Variants in IFT80 observed in about 807,000 individuals in gnomAD.
IFT80 encodes the protein intraflagellar transport protein 80 homolog.
In IFT80, 79 loss-of-function variants were observed where a neutral mutation model predicts 107.9. The ratio of observed to expected loss-of-function variants is 0.73; its 90% CI spans 0.61 to 0.88. IFT80 has a LOEUF of 0.88. Ranked by LOEUF, IFT80 falls within the 40% of genes least tolerant of loss-of-function variation. The probability of loss-of-function intolerance (pLI) is 0.00; values close to 1 mark genes in which losing one functional copy is unlikely to be tolerated. For synonymous variants in IFT80, 299 were observed against 300.9 expected (o/e 0.99, Z 0.07); for missense variants, 797 against 914.2 (o/e 0.87, Z 1.65).
intron 19 of IFT80, among the ~76,000 whole-genome samples, chr3:160,267,944 G>A (rs1237581634): frequency 6.6e-6 from 1 of 152,116 alleles, no homozygotes; most frequent in East Asian, 1.9e-4. Context: ...GTCTTCTTTG[G>A]TTCTAGGTAG....
chr3:160,364,991 T>C (rs1212158593), intron 6 of IFT80, among the ~76,000 whole-genome samples: 1 of 143,674 alleles, frequency 7.0e-6, no homozygotes, highest in African/African-American at 2.6e-5. Context: ...CCCTAGAACT[T>C]AAAGTATAAT....
At position 160,347,671 on chromosome 3, in the gene IFT80, T is replaced by C. The variant is rs562805406; in HGVS notation, c.777+8342A>G. Among the ~76,000 whole-genome samples, 4 of 152,304 alleles carry C rather than the reference T, an allele frequency of 2.6e-5. No homozygotes were observed. The South Asian group carries it at 8.3e-4, about 32-fold the overall frequency. On this transcript the variant is annotated intron_variant, in intron 8 of 19. Transcript: ENST00000326448. ...GAGATCATAGAGTAACATGCTGTCC[T>C]ATAACCCAGTCTTTTTACTAAATAA...
intron 8 of IFT80, among the ~76,000 whole-genome samples, chr3:160,352,876 C>T (rs1720814070): frequency 6.6e-6 from 1 of 152,144 alleles, no homozygotes; most frequent in Non-Finnish European, 1.5e-5. Flanking sequence ...TGCTACTTCC[C>T]TATTATTCAG....
chr3:160,337,153 AT>A (rs1173380783), intron 8 of IFT80, among the ~76,000 whole-genome samples: 1 of 152,104 alleles, frequency 6.6e-6, no homozygotes, highest in African/African-American at 2.4e-5. Flanking sequence ...CACATCCACC[AT>A]TTTATCTTAG....
rs779074288 is a variant in IFT80, at chr3:160,285,843, G to A, written c.1341C>T (p.Thr447=). Residue 447 remains threonine, a synonymous_variant, in exon 13 of 20, where the codon ACC becomes ACT. Coordinates refer to ENST00000326448, the MANE Select transcript of IFT80 (RefSeq NM_020800.3). ...ACTTTCCATCACCTAACGGCTTTCC[G>A]GTTGATGCCTCAAAGAGGAAGATTA... The part of the protein sequence containing the change: ...EKIIFLFEAS[T]GKPLGDGKFL... 1.6e-5 allele frequency: 26 copies of A among 1,609,138 alleles called. No homozygotes were observed. The highest frequency in any genetic ancestry group is 1.6e-4 in the Middle Eastern group (1 of 6,064).
intron 8 of IFT80, among the ~76,000 whole-genome samples, chr3:160,333,709 T>C (rs561243469): frequency 6.6e-6 from 1 of 152,332 alleles, no homozygotes; most frequent in South Asian, 2.1e-4. Context: ...TCATCTCTTA[T>C]GATAACAATG....
At chr3:160,284,244 TCTTACA>T (rs974810739) in intron 13 of IFT80, among the ~76,000 whole-genome samples, 1 of 152,064 alleles carries the variant, frequency 6.6e-6, no homozygotes, top group African/African-American at 2.4e-5. Context: ...ATTAGGAAAT[TCTTACA>T]CTTAGGAAAA....
chr3:160,266,218 T>C (rs1466314200), intron 19 of IFT80, among the ~76,000 whole-genome samples: 1 of 151,992 alleles, frequency 6.6e-6, no homozygotes, highest in African/African-American at 2.4e-5. Context: ...ACTCTTATGA[T>C]TAAAGTATTA....
Position 160,356,146 on chromosome 3 carries a change from C to T in IFT80, c.644G>A (p.Trp215Ter). 6.2e-7 allele frequency: 1 copy of T among 1,612,588 alleles called. No homozygotes were observed. Among genetic ancestry groups the T allele is most frequent in the Non-Finnish European group, 8.5e-7 (1 of 1,179,102 alleles). The change falls in exon 8 of 20, where the codon TGG becomes TAG. Residue 215 changes from tryptophan (W) to a stop codon, truncating the protein, a stop_gained. Transcript: ENST00000326448. LOFTEE classifies it high-confidence loss of function. Reference protein sequence around the residue: ...SAGEDCKYKVWDSYGRPLYNS... With the variant: ...SAGEDCKYKV ...GTACAGTGGGCGGCCGTAACTATCC[C>T]ATACCTACAAAAGCAATTTTTAAAA...
chr3:160,342,845 G>C (rs933134330), intron 8 of IFT80: 6 of 152,324 alleles, frequency 3.9e-5, no homozygotes, highest in Non-Finnish European at 8.8e-5. Flanking sequence ...ATAAAACAAA[G>C]AACAACATAG....
rs1712472485 is a variant in IFT80, at chr3:160,257,694, C to T, written c.*831G>A. 1 of 152,188 alleles carries T rather than the reference C, an allele frequency of 6.6e-6. No homozygotes were observed. The highest frequency in any genetic ancestry group is 2.1e-4 in the South Asian group (1 of 4,824). The allele number at this position is 152,188 out of a possible 1,614,324, so 9.4% of individuals were successfully genotyped here. ...AATGTTGAGCAACCATCATCGCTAT[C>T]CATTTCCAGAATTTGTTCATCCCAA... On this transcript the variant is annotated 3_prime_UTR_variant, in exon 20 of 20. Coordinates refer to ENST00000326448, the MANE Select transcript of IFT80 (RefSeq NM_020800.3).
Position 160,312,925 on chromosome 3 carries a change from A to T in IFT80, c.958-5144T>A, listed in dbSNP as rs1160521368. On this transcript the variant is annotated intron_variant, in intron 9 of 19. Transcript: ENST00000326448. ...TATATAATAAATATATATTATATAT[A>T]AATATATAATATATAATAAATATAT... Among the ~76,000 whole-genome samples the T allele has an allele frequency of 4.4e-3, 106 of 23,904 alleles. 9 individuals carry two copies. The highest frequency in any genetic ancestry group is 0.014 in the African/African-American group (101 of 7,028). 15.7% of individuals were successfully genotyped at this position (23,904 alleles called of 152,430 possible).
chr3:160,291,485 C>T (rs1032824306), intron 12 of IFT80, among the ~76,000 whole-genome samples: 2 of 152,190 alleles, frequency 1.3e-5, no homozygotes, highest in Non-Finnish European at 2.9e-5. Context: ...TGTTGACACT[C>T]GGACAGTGGC....
intron 8 of IFT80, among the ~76,000 whole-genome samples, chr3:160,335,949 G>A (rs1719433009): frequency 6.6e-6 from 1 of 152,040 alleles, no homozygotes. Flanking sequence ...TAGCATGTTT[G>A]TTTTCAGGGT....
At chr3:160,304,115 T>C (rs896573892) in intron 10 of IFT80, 126 bp from the exon 11 acceptor site, 2 of 692,548 alleles carry the variant, frequency 2.9e-6, no homozygotes, top group Non-Finnish European at 2.6e-6. Flanking sequence ...ATACTTTTAT[T>C]ACAGCACTTG....
intron 3 of IFT80, among the ~76,000 whole-genome samples, chr3:160,380,038 T>C (rs1471369222): frequency 2.9e-5 from 1 of 34,472 alleles, no homozygotes; most frequent in Non-Finnish European, 7.0e-5. Context: ...CTTTTTTTCT[T>C]TTTTTTTTTT....
intron 13 of IFT80, among the ~76,000 whole-genome samples, chr3:160,285,391 T>C (rs183330742): frequency 9.7e-4 from 147 of 152,314 alleles, no homozygotes; most frequent in African/African-American, 3.4e-3. Context: ...GTACTTTGTA[T>C]AGCGATTTCT....
intron 6 of IFT80, among the ~76,000 whole-genome samples, chr3:160,362,761 C>CA (rs1258860215): frequency 4.8e-4 from 72 of 151,546 alleles, no homozygotes; most frequent in Non-Finnish European, 1.8e-4. Flanking sequence ...GAACCAACGA[C>CA]AAAACCACAT....
intron 13 of IFT80, 151 bp from the exon 14 acceptor site, chr3:160,282,764 C>G: frequency 1.6e-6 from 1 of 627,734 alleles, no homozygotes; most frequent in Non-Finnish European, 2.8e-6. Flanking sequence ...TAATTTTAAA[C>G]TGCCAATATG....
Sources: allele counts gnomAD v4.1 joint callset (sites outside exome capture counted in the v4.1 genomes callset), GRCh38; gene constraint gnomAD v4.1.1; transcripts MANE v1.5; gene names NCBI Gene and HGNC (gene_info 2026-07-23, HGNC 2026-07-21).